TNIP1: variants seen among roughly 807,000 people sequenced by gnomAD.
TNIP1 encodes the protein TNFAIP3-interacting protein 1.
TNIP1 carries 22 observed loss-of-function variants against 86.6 expected under a neutral mutation model. That is an observed-to-expected ratio of 0.25 (90% CI 0.18 to 0.36). The LOEUF is 0.36. Ranked by LOEUF, TNIP1 falls within the 10% of genes least tolerant of loss-of-function variation. The probability of loss-of-function intolerance (pLI) is 1.00; values close to 1 mark genes in which losing one functional copy is unlikely to be tolerated. For missense variants in TNIP1, 709 were observed against 820.6 expected, an observed-to-expected ratio of 0.86 and a Z score of 1.66; for synonymous variants, 294 against 313.0, an observed-to-expected ratio of 0.94 and a Z score of 0.64.
intron 1 of TNIP1, among the ~76,000 whole-genome samples, chr5:151,066,511 G>C (rs969511682): frequency 1.3e-5 from 2 of 152,158 alleles, no homozygotes; most frequent in African/African-American, 4.8e-5. Flanking sequence ...GGTCCTTGGC[G>C]CTGCCAGGTG....
chr5:151,039,213 G>T lies in TNIP1; in HGVS notation c.1147C>A (p.Gln383Lys), dbSNP rs1307178287. Residue 383 changes from glutamine to lysine, a missense_variant, in exon 12 of 18, where the codon CAG becomes AAG. By Grantham distance (53) the Gln-to-Lys change is moderately conservative. Coordinates refer to ENST00000521591, the MANE Select transcript of TNIP1 (RefSeq NM_006058.5). ...AGCTCCTTGGCCTCTGCTGTCAGCT[G>T]CTCCTTGTCGGTCTGCAGGGAATAC... ...KIEMEETDKE[Q>K]LTAEAKELRQ... 6.2e-7 allele frequency: 1 copy of T among 1,612,672 alleles called. No individual in the cohort carries two copies. The highest frequency in any genetic ancestry group is 2.2e-5 in the East Asian group (1 of 44,868).
intron 6 of TNIP1, among the ~76,000 whole-genome samples, chr5:151,053,448 T>A (rs1760230982): frequency 6.6e-6 from 1 of 152,218 alleles, no homozygotes; most frequent in African/African-American, 2.4e-5. Flanking sequence ...TCTATAGGGC[T>A]GCTGAGAGGG....
At chr5:151,085,183 C>G (rs1029985484), upstream of TNIP1, among the ~76,000 whole-genome samples, 9 of 152,232 alleles carry the variant, frequency 5.9e-5, no homozygotes, top group Non-Finnish European at 1.3e-4. Context: ...GTTCTGGCCT[C>G]TGGGCTTAAA....
At chr5:151,034,296 T>TG (rs1377896156) in intron 15 of TNIP1, among the ~76,000 whole-genome samples, 2 of 141,324 alleles carry the variant, frequency 1.4e-5, no homozygotes, top group African/African-American at 2.7e-5. Context: ...CAGTGAAGGC[T>TG]GGTACATGGG....
intron 1 of TNIP1, among the ~76,000 whole-genome samples, chr5:151,067,177 C>A (rs990193232): frequency 6.6e-6 from 1 of 152,238 alleles, no homozygotes; most frequent in Non-Finnish European, 1.5e-5. Flanking sequence ...CAGTGTTCTA[C>A]AGCATAGCAC....
rs573855976 is a variant in TNIP1, at chr5:151,049,556, A to G, written c.846+268T>C. On this transcript the variant is annotated intron_variant, in intron 8 of 17. Coordinates refer to ENST00000521591, the MANE Select transcript of TNIP1 (RefSeq NM_006058.5). Reference sequence around the variant, plus strand: ...ACCCAGACTGAGCAAACGACTCAACACCACCTTCTATGAGCAATGGCTGAA... The same window carrying G: ...ACCCAGACTGAGCAAACGACTCAACGCCACCTTCTATGAGCAATGGCTGAA... 3.4e-3 allele frequency among the ~76,000 whole-genome samples: 525 copies of G among 152,296 alleles called. 6 individuals carry two copies. Among genetic ancestry groups the G allele is most frequent in the Non-Finnish European group, 4.0e-3 (270 of 68,018 alleles).
upstream of TNIP1, among the ~76,000 whole-genome samples, chr5:151,085,783 G>A (rs1012480259): frequency 6.6e-6 from 1 of 152,178 alleles, no homozygotes; most frequent in South Asian, 2.1e-4. Flanking sequence ...CTGGAAGTGG[G>A]AACAGGTCAG....
intron 11 of TNIP1, among the ~76,000 whole-genome samples, chr5:151,040,427 C>G (rs1318932571): frequency 6.6e-6 from 1 of 152,202 alleles, no homozygotes; most frequent in African/African-American, 2.4e-5. Context: ...GGTCAGACCT[C>G]CCTGGGAATT....
intron 10 of TNIP1, 28 bp downstream of exon 10, chr5:151,042,868 G>A (rs377370167): frequency 8.1e-6 from 13 of 1,612,740 alleles, no homozygotes; most frequent in African/African-American, 5.3e-5. Context: ...GGCATGCCCT[G>A]TGGGCGTGGC....
chr5:151,075,938 A>C (rs564066664), intron 1 of TNIP1, among the ~76,000 whole-genome samples: 30 of 152,094 alleles, frequency 2.0e-4, no homozygotes, highest in African/African-American at 6.7e-4. Context: ...CACCTACCCC[A>C]CACACACACC....
At chr5:151,035,482 T>C in intron 14 of TNIP1, 100 bp downstream of exon 14, 4 of 1,549,218 alleles carry the variant, frequency 2.6e-6, no homozygotes, top group Non-Finnish European at 3.5e-6. Flanking sequence ...AGAGAAGCAG[T>C]GAGGGTCCTG....
In TNIP1 at chr5:151,073,627, A is replaced by C. The variant is rs571239872; in HGVS notation, c.-37+7253T>G. Among the ~76,000 whole-genome samples the C allele has an allele frequency of 3.7e-5, 5 of 136,102 alleles. No individual in the cohort carries two copies. In the South Asian group the frequency reaches 1.1e-3, roughly 29 times the overall value. The allele number at this position is 136,102 out of a possible 152,430, so 89.3% of individuals were successfully genotyped here. Reference sequence around the variant, plus strand: ...ATACGGAATCTTAAATGTGCATAGAAAAAGGCCTGGAAGCCCAGTGCTTTG... The same window carrying C: ...ATACGGAATCTTAAATGTGCATAGACAAAGGCCTGGAAGCCCAGTGCTTTG... On this transcript the variant is annotated intron_variant, in intron 1 of 17. Coordinates refer to ENST00000521591, the MANE Select transcript of TNIP1 (RefSeq NM_006058.5).
chr5:151,050,593 T>C (rs1759780864), intron 7 of TNIP1, among the ~76,000 whole-genome samples: 1 of 152,174 alleles, frequency 6.6e-6, no homozygotes, highest in Non-Finnish European at 1.5e-5. Flanking sequence ...ATAGAGGAGA[T>C]CATAAAATTA....
intron 13 of TNIP1, among the ~76,000 whole-genome samples, chr5:151,036,272 C>T (rs1481348418): frequency 3.3e-5 from 5 of 152,192 alleles, no homozygotes; most frequent in Non-Finnish European, 7.3e-5. Context: ...TTTCTTTCAC[C>T]CCAATCCTTC....
chr5:151,077,216 C>T (rs187985367), intron 1 of TNIP1, among the ~76,000 whole-genome samples: 2 of 152,282 alleles, frequency 1.3e-5, no homozygotes, highest in South Asian at 2.1e-4. Flanking sequence ...ACTAACCTCC[C>T]GTCCCCCTAC....
At chr5:151,038,640 C>T (rs566613692) in intron 12 of TNIP1, among the ~76,000 whole-genome samples, 42 of 152,286 alleles carry the variant, frequency 2.8e-4, no homozygotes, top group African/African-American at 8.2e-4. Context: ...TGATGCCAGG[C>T]GCTGTACAAG....
chr5:151,056,932 T>C lies in TNIP1; in HGVS notation c.461A>G (p.Asp154Gly). ...AMALGPLPRE[D>G]GNLMLHLQRL... ...CTGCAGGTGCAGCATCAGGTTGCCG[T>C]CCTCACGGGGCAGGGGGCCCAGCGC... is the stretch of plus-strand genomic sequence containing the variant. Residue 154 changes from aspartate (D) to glycine (G), a missense_variant, in exon 6 of 18, where the codon GAC (aspartate) becomes GGC (glycine). By Grantham distance (94) the Asp-to-Gly change is moderately conservative (BLOSUM62 -1). Transcript: ENST00000521591. 1 of 1,563,136 alleles carries C rather than the reference T, an allele frequency of 6.4e-7. No individual in the cohort carries two copies. Among genetic ancestry groups the C allele is most frequent in the South Asian group, 1.2e-5 (1 of 86,366 alleles).
chr5:151,060,515 C>T, intron 4 of TNIP1, 120 bp from the exon 5 acceptor site: 1 of 792,888 alleles, frequency 1.3e-6, no homozygotes, highest in African/African-American at 1.7e-5. Flanking sequence ...TACACAGGGA[C>T]CGTTACATAT....
chr5:151,059,696 A>C (rs1011126266), intron 5 of TNIP1, among the ~76,000 whole-genome samples: 1 of 151,868 alleles, frequency 6.6e-6, no homozygotes, highest in Non-Finnish European at 1.5e-5. Context: ...GAACAGAAGG[A>C]GATATAGTTA....
Sources: gnomAD v4.1 joint callset for allele counts (sites outside exome capture counted in the v4.1 genomes callset) on GRCh38, gnomAD v4.1.1 for gene constraint, MANE v1.5 for transcripts, NCBI Gene and HGNC (gene_info 2026-07-23, HGNC 2026-07-21) for gene names.